CYP39A1: variants seen among roughly 807,000 people sequenced by gnomAD.
CYP39A1 encodes the protein cytochrome P450 family 39 subfamily A member 1, also known as 24-hydroxycholesterol 7-alpha-hydroxylase.
Under a neutral mutation model 58.1 loss-of-function variants are expected in CYP39A1, and 49 were observed. That is an observed-to-expected ratio of 0.84 (90% CI 0.67 to 1.07). The LOEUF (loss-of-function observed/expected upper bound fraction) is 1.07. Among genes scored for constraint, CYP39A1 ranks in the 50% least tolerant of loss-of-function variants. The pLI is 0.00. For synonymous variants in CYP39A1, 209 were observed against 187.6 expected (o/e 1.11, Z -0.93); for missense variants, 531 against 539.4 (o/e 0.98, Z 0.16).
chr6:46,626,101 T>G (rs1179904719), intron 6 of CYP39A1, among the ~76,000 whole-genome samples: 2 of 152,050 alleles, frequency 1.3e-5, no homozygotes, highest in Non-Finnish European at 2.9e-5. Context: ...GAAAAAAAAT[T>G]TTTGAGTCCT....
At chr6:46,552,261 T>C (rs1324989930) in intron 11 of CYP39A1, among the ~76,000 whole-genome samples, 2 of 152,142 alleles carry the variant, frequency 1.3e-5, no homozygotes, top group Non-Finnish European at 2.9e-5. Flanking sequence ...CAGGAACTAG[T>C]ATTTGATGTC....
At chr6:46,624,562 CA>C (rs879604033) in intron 7 of CYP39A1, among the ~76,000 whole-genome samples, 52 of 141,704 alleles carry the variant, frequency 3.7e-4, no homozygotes, top group Admixed American at 7.8e-4. Flanking sequence ...AGAAGCAATC[CA>C]AAAAAAAAAA....
intron 1 of CYP39A1, among the ~76,000 whole-genome samples, chr6:46,650,519 T>TTTTA (rs1762619014): frequency 9.4e-6 from 1 of 106,648 alleles, no homozygotes; most frequent in Non-Finnish European, 1.8e-5. Flanking sequence ...TTTTTTTTTT[T>TTTTA]AAGAGACAAG....
chr6:46,583,080 A>G (rs1772238971), intron 10 of CYP39A1: 1 of 985,284 alleles, frequency 1.0e-6, no homozygotes, highest in African/African-American at 1.7e-5. Flanking sequence ...CCTAGAATAC[A>G]TGAAAGACCC....
At chr6:46,555,788 T>C (rs920773843) in intron 10 of CYP39A1, among the ~76,000 whole-genome samples, 1 of 152,236 alleles carries the variant, frequency 6.6e-6, no homozygotes, top group Non-Finnish European at 1.5e-5. Flanking sequence ...ACTACTGTTC[T>C]TGAAACATCT....
intron 7 of CYP39A1, among the ~76,000 whole-genome samples, chr6:46,610,732 A>C (rs1335045974): frequency 6.6e-6 from 1 of 152,146 alleles, no homozygotes; most frequent in African/African-American, 2.4e-5. Flanking sequence ...CCAAAAATGG[A>C]ATTCTCATTA....
At chr6:46,645,768 T>G (rs950226132) in intron 1 of CYP39A1, among the ~76,000 whole-genome samples, 1 of 152,158 alleles carries the variant, frequency 6.6e-6, no homozygotes, top group Non-Finnish European at 1.5e-5. Context: ...CTGACATCTT[T>G]AATATGTTGA....
intron 7 of CYP39A1, among the ~76,000 whole-genome samples, chr6:46,620,051 A>G (rs1386467734): frequency 1.3e-5 from 2 of 152,228 alleles, no homozygotes; most frequent in Admixed American, 6.5e-5. Context: ...TCAAGTTTTT[A>G]GAATTCTACA....
chr6:46,596,529 C>T (rs182920981), intron 7 of CYP39A1, among the ~76,000 whole-genome samples: 4 of 151,932 alleles, frequency 2.6e-5, no homozygotes, highest in South Asian at 2.1e-4. Context: ...AGAAGCCATC[C>T]GGCCTTTTTC....
intron 7 of CYP39A1, among the ~76,000 whole-genome samples, chr6:46,604,339 C>T (rs1045080128): frequency 1.3e-5 from 2 of 152,172 alleles, no homozygotes; most frequent in African/African-American, 4.8e-5. Flanking sequence ...TGCCTCTCAG[C>T]TATCCCGATT....
intron 7 of CYP39A1, among the ~76,000 whole-genome samples, chr6:46,616,120 T>C (rs1774532404): frequency 3.2e-5 from 1 of 30,850 alleles, no homozygotes; most frequent in African/African-American, 1.3e-4. Context: ...TTTCTCTTTC[T>C]TTTCTTTCTT....
intron 7 of CYP39A1, among the ~76,000 whole-genome samples, chr6:46,615,543 TG>T (rs1413273211): frequency 6.6e-6 from 1 of 152,160 alleles, no homozygotes; most frequent in Non-Finnish European, 1.5e-5. Context: ...ATTTTCTGAA[TG>T]GTAGTCATAT....
At chr6:46,553,499 G>A (rs545215396) in intron 11 of CYP39A1, among the ~76,000 whole-genome samples, 6 of 152,262 alleles carry the variant, frequency 3.9e-5, no homozygotes, top group Admixed American at 2.0e-4. Context: ...TGTTCAAATT[G>A]GTAAGTGCAA....
At chr6:46,555,058 C>G (rs948312315) in intron 10 of CYP39A1, among the ~76,000 whole-genome samples, 1 of 151,988 alleles carries the variant, frequency 6.6e-6, no homozygotes, top group Non-Finnish European at 1.5e-5. Flanking sequence ...CAGACACACA[C>G]ACACACACAC....
chr6:46,605,608 C>A (rs1017569999), intron 7 of CYP39A1, among the ~76,000 whole-genome samples: 5 of 152,058 alleles, frequency 3.3e-5, no homozygotes, highest in African/African-American at 1.2e-4. Flanking sequence ...TCAGCAAATG[C>A]AGGAACTAGG....
intron 10 of CYP39A1, among the ~76,000 whole-genome samples, chr6:46,578,460 C>CA (rs1190392569): frequency 6.6e-6 from 1 of 151,186 alleles, no homozygotes; most frequent in East Asian, 1.9e-4. Context: ...AATCGAGACG[C>CA]AAAAATCCAT....
intron 1 of CYP39A1, among the ~76,000 whole-genome samples, chr6:46,649,508 A>T (rs1762537429): frequency 6.6e-6 from 1 of 152,226 alleles, no homozygotes; most frequent in Non-Finnish European, 1.5e-5. Flanking sequence ...CTTATTAAAT[A>T]AATGTAGCCA....
Position 46,617,839 on chromosome 6 carries a change from GCTGA to G in CYP39A1, c.931+7575_931+7578del, listed in dbSNP as rs1318994678. Reference sequence around the variant, plus strand: ...AAATAGGGCCTGCTACTTAATTAGCGCTGACTATTAACTATTACTGTTTCTACTA... The same window carrying G: ...AAATAGGGCCTGCTACTTAATTAGCGCTATTAACTATTACTGTTTCTACTA... On this transcript the variant is annotated intron_variant, in intron 7 of 11. Coordinates refer to ENST00000275016, the MANE Select transcript of CYP39A1 (RefSeq NM_016593.5). Among the ~76,000 whole-genome samples the G allele has an allele frequency of 1.1e-4, 17 of 152,100 alleles. No homozygotes were observed. In the South Asian group the frequency reaches 1.7e-3, roughly 15 times the overall value.
chr6:46,557,134 A>ATT (rs1166728722), intron 10 of CYP39A1, among the ~76,000 whole-genome samples: 1 of 152,078 alleles, frequency 6.6e-6, no homozygotes, highest in Non-Finnish European at 1.5e-5. Flanking sequence ...TAACATAACA[A>ATT]AGAAAAATAT....
Sources: allele counts gnomAD v4.1 joint callset (sites outside exome capture counted in the v4.1 genomes callset), GRCh38; gene constraint gnomAD v4.1.1; transcripts MANE v1.5; gene names NCBI Gene and HGNC (gene_info 2026-07-23, HGNC 2026-07-21).